ETFA: variants seen among roughly 807,000 people sequenced by gnomAD.
ETFA encodes electron transfer flavoprotein subunit alpha, mitochondrial.
Under a neutral mutation model 46.2 loss-of-function variants are expected in ETFA, and 22 were observed. That is an observed-to-expected ratio of 0.48 (90% CI 0.34 to 0.68). The LOEUF is 0.68. Ranked by LOEUF, ETFA falls within the 30% of genes least tolerant of loss-of-function variation. ETFA has a pLI of 0.01. For missense variants in ETFA, 345 were observed against 401.1 expected (o/e 0.86, Z 1.19); for synonymous variants, 131 against 139.9 (o/e 0.94, Z 0.45).
chr15:76,297,765 G>A (rs771567224), intron 1 of ETFA, among the ~76,000 whole-genome samples: 92 of 152,192 alleles, frequency 6.0e-4, no homozygotes, highest in African/African-American at 2.1e-3. Flanking sequence ...CTAGCTGATC[G>A]ATTTTTACTA....
chr15:76,261,938 T>C (rs958469297), intron 9 of ETFA, among the ~76,000 whole-genome samples: 1 of 152,174 alleles, frequency 6.6e-6, no homozygotes, highest in African/African-American at 2.4e-5. Flanking sequence ...CGCTTGAGCC[T>C]AGGAGACCAG....
At chr15:76,254,489 G>A (rs575092360) in intron 9 of ETFA, among the ~76,000 whole-genome samples, 1 of 152,192 alleles carries the variant, frequency 6.6e-6, no homozygotes, top group Non-Finnish European at 1.5e-5. Flanking sequence ...AACGTATTCA[G>A]TGTCTGTACA....
chr15:76,239,803 A>G (rs2039166639), intron 9 of ETFA, among the ~76,000 whole-genome samples: 1 of 151,582 alleles, frequency 6.6e-6, no homozygotes, highest in African/African-American at 2.4e-5. Flanking sequence ...AAAAAAAAAA[A>G]GTATTGTCAA....
At chr15:76,263,134 C>T (rs1258412393) in intron 9 of ETFA, among the ~76,000 whole-genome samples, 1 of 152,204 alleles carries the variant, frequency 6.6e-6, no homozygotes, top group East Asian at 1.9e-4. Context: ...CTTTCAACCC[C>T]CACATCCTCA....
At chr15:76,306,374 C>T (rs1345348963) in intron 1 of ETFA, among the ~76,000 whole-genome samples, 5 of 147,326 alleles carry the variant, frequency 3.4e-5, no homozygotes, top group Middle Eastern at 3.5e-3. Flanking sequence ...TCAAGCAATT[C>T]TCCTGCCTCA....
intron 9 of ETFA, among the ~76,000 whole-genome samples, chr15:76,236,703 T>C (rs761320967): frequency 2.6e-5 from 4 of 152,162 alleles, no homozygotes; most frequent in Non-Finnish European, 5.9e-5. Flanking sequence ...GTAGCCAATA[T>C]AGAGAGTCAC....
At chr15:76,295,320 C>G (rs2039806958) in intron 2 of ETFA, among the ~76,000 whole-genome samples, 1 of 152,212 alleles carries the variant, frequency 6.6e-6, no homozygotes, top group African/African-American at 2.4e-5. Flanking sequence ...TAAGGGGACT[C>G]AAATATTATC....
intron 9 of ETFA, among the ~76,000 whole-genome samples, chr15:76,270,059 C>T (rs910267803): frequency 1.2e-4 from 18 of 152,256 alleles, no homozygotes; most frequent in Non-Finnish European, 2.1e-4. Flanking sequence ...TAACATCCAC[C>T]AAAATGTCTA....
intron 11 of ETFA, among the ~76,000 whole-genome samples, chr15:76,218,054 A>T (rs2038915803): frequency 6.6e-6 from 1 of 152,250 alleles, no homozygotes; most frequent in Non-Finnish European, 1.5e-5. Flanking sequence ...CCAGTCACAC[A>T]GATGACATGC....
chr15:76,295,768 A>G, intron 1 of ETFA, 31 bp from the exon 2 acceptor site: 1 of 1,600,444 alleles, frequency 6.2e-7, no homozygotes, highest in Non-Finnish European at 8.5e-7. Flanking sequence ...AAAAAAAGGT[A>G]AAGAATGTTG....
Position 76,216,435 on chromosome 15 carries a change from T to A in ETFA, c.*124A>T, listed in dbSNP as rs531912622. On this transcript the variant is annotated 3_prime_UTR_variant, in exon 12 of 12. Transcript: ENST00000557943. ...CAAGCATTCTGGCATCTGTTAGAAATTTTCCCTCAAATTATGAAATGTAGC... is the reference window on the plus strand; with the variant it reads ...CAAGCATTCTGGCATCTGTTAGAAAATTTCCCTCAAATTATGAAATGTAGC... The A allele has an allele frequency of 3.1e-6, 2 of 655,010 alleles. No homozygotes were observed. Among genetic ancestry groups the A allele is most frequent in the Admixed American group, 2.7e-5 (1 of 37,180 alleles). The allele number at this position is 655,010 out of a possible 1,614,324, so 40.6% of individuals were successfully genotyped here.
At chr15:76,285,590 T>C in intron 7 of ETFA, 47 bp downstream of exon 7, 1 of 1,027,532 alleles carries the variant, frequency 9.7e-7, no homozygotes. Context: ...AAAAAAAAAA[T>C]CAAAGTATTT....
At position 76,275,998 on chromosome 15, in the gene ETFA, T is replaced by C. The variant is rs993563292; in HGVS notation, c.734-1504A>G. Among the ~76,000 whole-genome samples, 48 of 152,214 alleles carry C rather than the reference T, an allele frequency of 3.2e-4. 1 individual carries two copies. Among genetic ancestry groups the C allele is most frequent in the Non-Finnish European group, 5.9e-5 (4 of 68,026 alleles). On this transcript the variant is annotated intron_variant, in intron 8 of 11. Transcript: ENST00000557943. ...GTTATTATTTTAAACTGTTACCTAT[T>C]AGATCAATTAAGAAAAATAAAACTT...
At chr15:76,270,488 C>T (rs2039518230) in intron 9 of ETFA, among the ~76,000 whole-genome samples, 1 of 152,156 alleles carries the variant, frequency 6.6e-6, no homozygotes, top group Non-Finnish European at 1.5e-5. Context: ...TTTGCCTAGA[C>T]ATACACATGC....
At chr15:76,258,904 G>T in intron 9 of ETFA, 2 of 935,478 alleles carry the variant, frequency 2.1e-6, no homozygotes, top group South Asian at 1.5e-5. Context: ...TGCTGTCTGG[G>T]CTGAGGTCAG....
At chr15:76,224,734 T>C (rs570724540) in intron 11 of ETFA, among the ~76,000 whole-genome samples, 50 of 152,192 alleles carry the variant, frequency 3.3e-4, no homozygotes, top group African/African-American at 1.2e-3. Context: ...CAAACCCACT[T>C]CTCCTAGGGT....
chr15:76,249,374 C>T (rs2039273927), intron 9 of ETFA, among the ~76,000 whole-genome samples: 1 of 151,748 alleles, frequency 6.6e-6, no homozygotes, highest in Non-Finnish European at 1.5e-5. Context: ...GTGATCCTTG[C>T]ACCTCGGCCT....
chr15:76,238,100 G>C (rs373022474), intron 9 of ETFA, among the ~76,000 whole-genome samples: 35 of 152,236 alleles, frequency 2.3e-4, no homozygotes, highest in African/African-American at 8.2e-4. Flanking sequence ...GAAATTATGT[G>C]AGTTTATGAT....
chr15:76,304,884 A>G (rs2039923526), intron 1 of ETFA, among the ~76,000 whole-genome samples: 1 of 151,956 alleles, frequency 6.6e-6, no homozygotes. Context: ...CTCTACTAAA[A>G]ATACAAAAAT....
Sources: gnomAD v4.1 joint callset for allele counts (sites outside exome capture counted in the v4.1 genomes callset) on GRCh38, gnomAD v4.1.1 for gene constraint, MANE v1.5 for transcripts, NCBI Gene and HGNC (gene_info 2026-07-23, HGNC 2026-07-21) for gene names.